AK5: variants seen among roughly 807,000 people sequenced by gnomAD.
The protein encoded by AK5 is adenylate kinase 5, also known as adenylate kinase isoenzyme 5.
A neutral mutation model predicts 69.5 loss-of-function variants in AK5; 27 were observed. The observed-to-expected ratio is 0.39, with a 90% CI of 0.29 to 0.54. The LOEUF (loss-of-function observed/expected upper bound fraction) is 0.54. AK5 is among the 20% of genes least tolerant of loss of function. The pLI is 0.71. For missense variants in AK5, 531 were observed against 700.4 expected, an observed-to-expected ratio of 0.76 and a Z score of 2.73; for synonymous variants, 260 against 244.4, an observed-to-expected ratio of 1.06 and a Z score of -0.60.
intron 6 of AK5, among the ~76,000 whole-genome samples, chr1:77,368,245 A>ATATATGTTATATATGTTATATATAT (rs1553140335): frequency 1.5e-5 from 1 of 67,906 alleles, no homozygotes; most frequent in African/African-American, 4.8e-5. Context: ...ATATATATAT[A>ATATATGTTATATATGTTATATATAT]TATATATAAT....
chr1:77,499,869 C>CTTTTTTTTTTTTTTTTTT (rs749712310), intron 10 of AK5, among the ~76,000 whole-genome samples: 3 of 78,770 alleles, frequency 3.8e-5, no homozygotes, highest in Non-Finnish European at 4.8e-5. Context: ...GCCCTTTTTC[C>CTTTTTTTTTTTTTTTTTT]ATTTTTTTTT....
At chr1:77,375,005 G>A (rs1212779685) in intron 6 of AK5, among the ~76,000 whole-genome samples, 1 of 152,022 alleles carries the variant, frequency 6.6e-6, no homozygotes, top group Non-Finnish European at 1.5e-5. Flanking sequence ...TTTATTCTGT[G>A]CTTATTACAT....
rs115946949 is a variant in AK5 at position 77,498,998 on chromosome 1, A to G, written c.1147+12646A>G. ...TGAAGCCCTGGGCTTAAACTTGCCTATATGCTGCCATTTCCTCTAGCTGAC... is the reference window on the plus strand; with the variant it reads ...TGAAGCCCTGGGCTTAAACTTGCCTGTATGCTGCCATTTCCTCTAGCTGAC... On this transcript the variant is annotated intron_variant, in intron 10 of 13. Transcript: ENST00000354567. 4.5e-3 allele frequency among the ~76,000 whole-genome samples: 683 copies of G among 152,302 alleles called. 7 individuals carry two copies. Among genetic ancestry groups the G allele is most frequent in the African/African-American group, 0.016 (650 of 41,562 alleles).
intron 8 of AK5, among the ~76,000 whole-genome samples, chr1:77,436,293 C>A (rs1238635963): frequency 6.6e-6 from 1 of 151,854 alleles, no homozygotes; most frequent in Admixed American, 6.6e-5. Flanking sequence ...ACTTCTCCTC[C>A]CAAAACACAT....
At chr1:77,475,069 C>G (rs1654762416) in intron 8 of AK5, among the ~76,000 whole-genome samples, 3 of 151,394 alleles carry the variant, frequency 2.0e-5, no homozygotes, top group African/African-American at 7.3e-5. Flanking sequence ...TCCCAAAGTG[C>G]TGAGATTACA....
chr1:77,392,860 C>A (rs146895514), intron 6 of AK5, among the ~76,000 whole-genome samples: 11 of 152,064 alleles, frequency 7.2e-5, no homozygotes, highest in African/African-American at 1.9e-4. Context: ...CATCACTTTG[C>A]CCACCATGTC....
chr1:77,460,376 C>G (rs552687478), intron 8 of AK5, among the ~76,000 whole-genome samples: 40 of 152,170 alleles, frequency 2.6e-4, no homozygotes, highest in Non-Finnish European at 5.3e-4. Flanking sequence ...TAAACACATT[C>G]CTTCCTCATT....
intron 6 of AK5, among the ~76,000 whole-genome samples, chr1:77,403,432 C>G (rs1166238205): frequency 1.3e-5 from 2 of 151,960 alleles, no homozygotes; most frequent in South Asian, 4.2e-4. Context: ...GGTTTTAGGT[C>G]TAACATTTAA....
intron 8 of AK5, among the ~76,000 whole-genome samples, chr1:77,443,298 G>GT (rs1652445107): frequency 6.6e-6 from 1 of 152,040 alleles, no homozygotes; most frequent in Non-Finnish European, 1.5e-5. Context: ...GTACTGACTC[G>GT]TATTACTCCC....
Position 77,325,248 on chromosome 1 carries a change from G to A in AK5, c.700-15129G>A, listed in dbSNP as rs570444706. Among the ~76,000 whole-genome samples, 9 of 150,082 alleles carry A rather than the reference G, an allele frequency of 6.0e-5. No individual in the cohort carries two copies. The South Asian group carries it at 1.7e-3, about 28-fold the overall frequency. ...TCTCAAGCTCCTGACCTGGTGATCC[G>A]CCCACCTCGGCCTCCCAAAGTGTTG... is the stretch of plus-strand genomic sequence containing the variant. On this transcript the variant is annotated intron_variant, in intron 5 of 13. Transcript: ENST00000354567.
chr1:77,484,540 CAAAT>C lies in AK5; in HGVS notation c.1102+1183_1102+1186del, dbSNP rs544470583. 7.9e-5 allele frequency among the ~76,000 whole-genome samples: 12 copies of C among 152,176 alleles called. 2 individuals are homozygous for C. The South Asian group carries it at 2.5e-3, about 32-fold the overall frequency. On this transcript the variant is annotated intron_variant, in intron 9 of 13. Coordinates refer to ENST00000354567, the MANE Select transcript of AK5 (RefSeq NM_174858.3). ...TCTTGGTGATTCATGAGGAGAGGTA[CAAAT>C]ATATGAGCCATAACTTAGCTGTCAC...
At chr1:77,283,748 TTTTG>T (rs1658196143) in intron 1 of AK5, 1 of 479,770 alleles carries the variant, frequency 2.1e-6, no homozygotes, top group Non-Finnish European at 2.7e-6. Flanking sequence ...GAGTTGTTTT[TTTTG>T]TTTGTTTTTA....
chr1:77,340,095 A>G (rs1482788192), intron 5 of AK5, among the ~76,000 whole-genome samples: 3 of 152,196 alleles, frequency 2.0e-5, no homozygotes, highest in East Asian at 1.9e-4. Context: ...AGTTTGGCTG[A>G]GACTGTTCTT....
intron 7 of AK5, among the ~76,000 whole-genome samples, chr1:77,415,081 G>A (rs533506702): frequency 1.3e-5 from 2 of 151,952 alleles, no homozygotes; most frequent in African/African-American, 2.4e-5. Context: ...GCATCTTATT[G>A]CAACAGAGGG....
At chr1:77,493,913 G>A (rs1162101518) in intron 10 of AK5, among the ~76,000 whole-genome samples, 29 of 152,164 alleles carry the variant, frequency 1.9e-4, no homozygotes, top group Admixed American at 1.9e-3. Flanking sequence ...CTGCAAAAGG[G>A]TTCCAAGTAA....
rs144231095 is a variant in AK5 at position 77,432,156 on chromosome 1, T to C, written c.1059+14441T>C. ...TATTTTGATTCTGATAACTTTCACA[T>C]TTCCCCCCTTTTGATCAAGATCTTT... On this transcript the variant is annotated intron_variant, in intron 8 of 13. Coordinates refer to ENST00000354567, the MANE Select transcript of AK5 (RefSeq NM_174858.3). Among the ~76,000 whole-genome samples the C allele has an allele frequency of 2.0e-5, 3 of 152,314 alleles. No individual in the cohort carries two copies. In the East Asian group the frequency reaches 5.8e-4, roughly 29 times the overall value.
intron 5 of AK5, chr1:77,314,323 C>A (rs887829591): frequency 1.9e-5 from 3 of 154,604 alleles, no homozygotes; most frequent in African/African-American, 7.3e-5. Flanking sequence ...ATTAATATGC[C>A]GGAATATTCT....
At chr1:77,295,807 T>TGTGTGTAC (rs1162773423) in intron 3 of AK5, among the ~76,000 whole-genome samples, 3 of 152,200 alleles carry the variant, frequency 2.0e-5, no homozygotes, top group Admixed American at 6.5e-5. Flanking sequence ...AAATATTTTT[T>TGTGTGTAC]GTGTGTACTA....
rs138507410 is a variant in AK5 at position 77,388,646 on chromosome 1, G to A, written c.892-22335G>A. Among the ~76,000 whole-genome samples, 28 of 151,984 alleles carry A rather than the reference G, an allele frequency of 1.8e-4. 1 individual carries two copies. Among genetic ancestry groups the A allele is most frequent in the African/African-American group, 5.8e-4 (24 of 41,422 alleles). ...ACTATGATAATTCAGAATGAAAAAC[G>A]TGGGAGAAATACCTTTAAAATGTTA... On this transcript the variant is annotated intron_variant, in intron 6 of 13. Coordinates refer to ENST00000354567, the MANE Select transcript of AK5 (RefSeq NM_174858.3).
Sources: allele counts gnomAD v4.1 joint callset (sites outside exome capture counted in the v4.1 genomes callset), GRCh38; gene constraint gnomAD v4.1.1; transcripts MANE v1.5; gene names NCBI Gene and HGNC (gene_info 2026-07-23, HGNC 2026-07-21).